The following LDLRAD4 variants were observed in gnomAD, a reference collection of about 807,000 sequenced individuals.
The protein encoded by LDLRAD4 is low density lipoprotein receptor class A domain containing 4, also known as low-density lipoprotein receptor class A domain-containing protein 4.
LDLRAD4 carries 5 observed loss-of-function variants against 17.0 expected under a neutral mutation model. That is an observed-to-expected ratio of 0.29 (90% confidence interval 0.15 to 0.62). The LOEUF (loss-of-function observed/expected upper bound fraction) is 0.62, where lower values mean the gene tolerates loss of function less well. Among genes scored for constraint, LDLRAD4 ranks in the 20% least tolerant of loss-of-function variants. The pLI is 0.84. For synonymous variants in LDLRAD4, 168 were observed against 171.8 expected (o/e 0.98, Z 0.17); for missense variants, 340 against 424.7 (o/e 0.80, Z 1.75).
intron 3 of LDLRAD4, among the ~76,000 whole-genome samples, chr18:13,452,035 T>A (rs2091866415): frequency 6.6e-6 from 1 of 152,162 alleles, no homozygotes; most frequent in Non-Finnish European, 1.5e-5. Context: ...CAGGAGGAAA[T>A]CACCCGGAAG....
At chr18:13,442,286 A>G (rs1200738990) in intron 3 of LDLRAD4, among the ~76,000 whole-genome samples, 1 of 152,180 alleles carries the variant, frequency 6.6e-6, no homozygotes, top group Non-Finnish European at 1.5e-5. Context: ...AAAGATAACT[A>G]AAAATGGGCC....
chr18:13,244,077 C>T (rs1462016620), intron 1 of LDLRAD4, among the ~76,000 whole-genome samples: 4 of 147,780 alleles, frequency 2.7e-5, no homozygotes, highest in Non-Finnish European at 6.0e-5. Context: ...CCATCATCTC[C>T]CCAACCACCA....
chr18:13,493,923 C>A (rs867581143), intron 3 of LDLRAD4, among the ~76,000 whole-genome samples: 1 of 152,352 alleles, frequency 6.6e-6, no homozygotes, highest in African/African-American at 2.4e-5. Context: ...AGGGGGTCCC[C>A]GCTTCTGAGA....
At chr18:13,476,865 C>T (rs1188011063) in intron 3 of LDLRAD4, among the ~76,000 whole-genome samples, 2 of 152,100 alleles carry the variant, frequency 1.3e-5, no homozygotes, top group Non-Finnish European at 2.9e-5. Flanking sequence ...CAGATATTTG[C>T]TTCAGCTTAT....
chr18:13,439,151 T>C (rs2090861099), intron 3 of LDLRAD4, among the ~76,000 whole-genome samples: 1 of 152,320 alleles, frequency 6.6e-6, no homozygotes, highest in Admixed American at 6.5e-5. Context: ...GATCATTTTA[T>C]GATGCATTGA....
chr18:13,540,853 C>A (rs544337857), intron 3 of LDLRAD4, among the ~76,000 whole-genome samples: 17 of 152,302 alleles, frequency 1.1e-4, no homozygotes, highest in African/African-American at 3.8e-4. Context: ...TGTTTTTCTT[C>A]CTGTCTCACT....
intron 1 of LDLRAD4, among the ~76,000 whole-genome samples, chr18:13,375,032 T>C (rs922388586): frequency 6.6e-6 from 1 of 152,220 alleles, no homozygotes; most frequent in African/African-American, 2.4e-5. Flanking sequence ...GTGCTATCTT[T>C]ACCCGGTTTT....
chr18:13,537,572 C>T (rs1258850901), intron 3 of LDLRAD4, among the ~76,000 whole-genome samples: 30 of 152,158 alleles, frequency 2.0e-4, no homozygotes, highest in Non-Finnish European at 7.3e-5. Context: ...CCTCACCCAC[C>T]GCTCACCTCC....
At chr18:13,494,970 T>A (rs2093437318) in intron 3 of LDLRAD4, among the ~76,000 whole-genome samples, 1 of 151,894 alleles carries the variant, frequency 6.6e-6, no homozygotes, top group Admixed American at 6.6e-5. Context: ...CCCGTTTGCC[T>A]TCAACCCTGA....
At chr18:13,354,221 A>T (rs929802121) in intron 1 of LDLRAD4, among the ~76,000 whole-genome samples, 2 of 152,160 alleles carry the variant, frequency 1.3e-5, no homozygotes, top group Admixed American at 6.5e-5. Context: ...CCCAGTCTCT[A>T]AAAAAAGAAA....
At chr18:13,247,049 A>G (rs1166249436) in intron 1 of LDLRAD4, among the ~76,000 whole-genome samples, 1 of 151,924 alleles carries the variant, frequency 6.6e-6, no homozygotes, top group Non-Finnish European at 1.5e-5. Flanking sequence ...CTAGACCTCT[A>G]CCTGTCATGA....
intron 3 of LDLRAD4, among the ~76,000 whole-genome samples, chr18:13,579,919 G>T (rs1252603046): frequency 1.3e-5 from 2 of 152,160 alleles, no homozygotes; most frequent in African/African-American, 4.8e-5. Context: ...TCTCAGCAGG[G>T]CTGCTGTCCG....
intron 1 of LDLRAD4, among the ~76,000 whole-genome samples, chr18:13,270,181 A>G (rs1238427432): frequency 6.6e-6 from 1 of 152,064 alleles, no homozygotes; most frequent in African/African-American, 2.4e-5. Context: ...TGGGCAACAC[A>G]GCAAGATCCT....
intron 1 of LDLRAD4, among the ~76,000 whole-genome samples, chr18:13,346,159 C>T (rs1219829842): frequency 6.6e-6 from 1 of 152,054 alleles, no homozygotes; most frequent in Non-Finnish European, 1.5e-5. Flanking sequence ...CTAGTTCTTT[C>T]AGTTGTGATG....
chr18:13,387,785 G>C, intron 2 of LDLRAD4, 23 bp downstream of exon 3: 2 of 1,611,380 alleles, frequency 1.2e-6, no homozygotes, highest in South Asian at 1.1e-5. Context: ...CAGGTAATCC[G>C]AGGCTTTGCC....
upstream of LDLRAD4, among the ~76,000 whole-genome samples, chr18:13,275,945 A>T (rs1343795169): frequency 6.6e-6 from 1 of 152,220 alleles, no homozygotes; most frequent in African/African-American, 2.4e-5. Context: ...ACAGATGTGT[A>T]TGCGTTTAGT....
chr18:13,302,260 A>G (rs1216301643), intron 1 of LDLRAD4, among the ~76,000 whole-genome samples: 1 of 152,114 alleles, frequency 6.6e-6, no homozygotes, highest in Non-Finnish European at 1.5e-5. Context: ...TGGAAATGTG[A>G]TTCAGTGGAG....
At chr18:13,219,091 T>A (rs2041302985) in intron 1 of LDLRAD4, 103 bp downstream of exon 1, 1 of 149,732 alleles carries the variant, frequency 6.7e-6, no homozygotes. Flanking sequence ...TTTTTTTAAT[T>A]GGAAAAGGAG....
intron 1 of LDLRAD4, among the ~76,000 whole-genome samples, chr18:13,243,043 G>A (rs2042746907): frequency 1.3e-5 from 2 of 152,262 alleles, no homozygotes; most frequent in Non-Finnish European, 2.9e-5. Flanking sequence ...CAGTTCTGCA[G>A]CAGCTGAGTG....
Sources: gnomAD v4.1 joint callset for allele counts (sites outside exome capture counted in the v4.1 genomes callset) on GRCh38, gnomAD v4.1.1 for gene constraint, MANE v1.5 for transcripts, NCBI Gene and HGNC (gene_info 2026-07-23, HGNC 2026-07-21) for gene names.